Variants in PIWIL2 observed in about 807,000 individuals in gnomAD.
The protein encoded by PIWIL2 is piwi like RNA-mediated gene silencing 2.
A neutral mutation model predicts 116.5 loss-of-function variants in PIWIL2; 81 were observed. That is an observed-to-expected ratio of 0.70 (90% CI 0.58 to 0.84). PIWIL2 has a LOEUF of 0.84. Among genes scored for constraint, PIWIL2 ranks in the 40% least tolerant of loss-of-function variants. The probability of loss-of-function intolerance (pLI) is 0.00; values close to 1 mark genes in which losing one functional copy is unlikely to be tolerated. For missense variants in PIWIL2, 1,272 were observed against 1,212.3 expected, an observed-to-expected ratio of 1.05 and a Z score of -0.73; for synonymous variants, 489 against 429.5, an observed-to-expected ratio of 1.14 and a Z score of -1.71.
chr8:22,282,068 C>A (rs1403302854), intron 4 of PIWIL2, among the ~76,000 whole-genome samples: 1 of 128,252 alleles, frequency 7.8e-6, no homozygotes, highest in Non-Finnish European at 1.6e-5. Flanking sequence ...CCCCACTGTG[C>A]GTGGACTTTT....
At chr8:22,338,689 C>A (rs1291722886) in intron 20 of PIWIL2, among the ~76,000 whole-genome samples, 1 of 117,500 alleles carries the variant, frequency 8.5e-6, no homozygotes, top group Non-Finnish European at 1.8e-5. Flanking sequence ...GACTCCATCT[C>A]AAAAATAAAT....
chr8:22,344,054 T>G (rs1832170612), intron 20 of PIWIL2, among the ~76,000 whole-genome samples: 1 of 152,120 alleles, frequency 6.6e-6, no homozygotes, highest in South Asian at 2.1e-4. Flanking sequence ...TTAAAAGAAA[T>G]AAGCCATTAA....
chr8:22,353,233 G>A (rs1347971036), intron 21 of PIWIL2, 21 bp downstream of exon 21: 3 of 1,591,924 alleles, frequency 1.9e-6, no homozygotes, highest in South Asian at 2.2e-5. Flanking sequence ...AAAATATGTA[G>A]TATTGGAGGA....
Position 22,334,437 on chromosome 8 carries a change from G to A in PIWIL2, c.2403+16162G>A, listed in dbSNP as rs535834242. ...CTCGGGAGACTGAGGCAGGAGAATCGCTTGAACCTAGGAGGCGGAGGTTGC... is the reference window on the plus strand; with the variant it reads ...CTCGGGAGACTGAGGCAGGAGAATCACTTGAACCTAGGAGGCGGAGGTTGC... On this transcript the variant is annotated intron_variant, in intron 20 of 22. Coordinates refer to ENST00000356766, the MANE Select transcript of PIWIL2 (RefSeq NM_018068.5). Among the ~76,000 whole-genome samples the A allele has an allele frequency of 4.5e-4, 68 of 151,042 alleles. 2 individuals are homozygous for A. The East Asian group carries it at 0.012, about 27-fold the overall frequency.
intron 4 of PIWIL2, among the ~76,000 whole-genome samples, chr8:22,282,069 G>A (rs530114123): frequency 2.0e-4 from 26 of 131,362 alleles, no homozygotes; most frequent in Middle Eastern, 4.1e-3. Flanking sequence ...CCCACTGTGC[G>A]TGGACTTTTT....
intron 12 of PIWIL2, 59 bp from the exon 13 acceptor site, chr8:22,305,868 G>A: frequency 8.2e-7 from 1 of 1,212,990 alleles, no homozygotes; most frequent in Non-Finnish European, 1.2e-6. Flanking sequence ...TGTCCTGTAT[G>A]GTCGGGAACA....
rs139706405 is a variant in PIWIL2 at position 22,291,160 on chromosome 8, T to C, written c.1181+814T>C. 5.1e-3 allele frequency among the ~76,000 whole-genome samples: 768 copies of C among 151,528 alleles called. 5 individuals carry two copies. The highest frequency in any genetic ancestry group is 0.017 in the African/African-American group (723 of 41,330). ...ATTTTTTTTTCTTTTCTTTTCTTTT[T>C]TTTTTTCTGAGAGAGAGTCTCTCTC... On this transcript the variant is annotated intron_variant, in intron 10 of 22. Coordinates refer to ENST00000356766, the MANE Select transcript of PIWIL2 (RefSeq NM_018068.5).
chr8:22,317,854 G>C (rs1166022263), intron 19 of PIWIL2, among the ~76,000 whole-genome samples: 1 of 151,780 alleles, frequency 6.6e-6, no homozygotes, highest in South Asian at 2.1e-4. Flanking sequence ...GTAGAGACGG[G>C]GTTTCACCGT....
At chr8:22,316,451 T>G in intron 19 of PIWIL2, 118 bp downstream of exon 19, 2 of 699,078 alleles carry the variant, frequency 2.9e-6, no homozygotes, top group African/African-American at 1.8e-5. Context: ...TTCTAAACAT[T>G]TTCTTCCTCT....
intron 1 of PIWIL2, 117 bp from the exon 2 acceptor site, chr8:22,279,224 G>T (rs564171066): frequency 7.6e-5 from 47 of 617,728 alleles, no homozygotes; most frequent in African/African-American, 6.8e-4. Flanking sequence ...TGAATATGTT[G>T]TAGAAGGCTA....
At chr8:22,279,768 C>G (rs1434304881) in intron 2 of PIWIL2, among the ~76,000 whole-genome samples, 184 bp downstream of exon 2, 2 of 152,182 alleles carry the variant, frequency 1.3e-5, no homozygotes, top group Non-Finnish European at 2.9e-5. Flanking sequence ...GCCTGGCCAA[C>G]CAACATGGTG....
chr8:22,303,980 A>T lies in PIWIL2; in HGVS notation c.1182-41A>T. On this transcript the variant is annotated intron_variant, in intron 10 of 22. Transcript: ENST00000356766. ...CCCTATCCCTTTCATACTGTTCTGG[A>T]TATATACTGTGATCCAAAAGTCTTT... The T allele has an allele frequency of 2.2e-6, 3 of 1,350,898 alleles. No homozygotes were observed. In the South Asian group the frequency reaches 3.8e-5, roughly 17 times the overall value. The allele number at this position is 1,350,898 out of a possible 1,614,324, so 83.7% of individuals were successfully genotyped here. A position where few individuals can be genotyped will look rare whatever the true frequency, so the allele number is the denominator to read the frequency against.
intron 20 of PIWIL2, among the ~76,000 whole-genome samples, chr8:22,334,519 C>CAA (rs71544878): frequency 1.4e-3 from 180 of 132,232 alleles, no homozygotes; most frequent in Non-Finnish European, 1.8e-3. Flanking sequence ...GAGTCCGTCT[C>CAA]AAAAAAAAAA....
chr8:22,276,134 T>G (rs919882889), intron 1 of PIWIL2: 1 of 152,298 alleles, frequency 6.6e-6, no homozygotes, highest in African/African-American at 2.4e-5. Context: ...CAGTTAAATA[T>G]AGCCTTCAAG....
chr8:22,325,030 G>A lies in PIWIL2; in HGVS notation c.2403+6755G>A, dbSNP rs117137888. On this transcript the variant is annotated intron_variant, in intron 20 of 22. Coordinates refer to ENST00000356766, the MANE Select transcript of PIWIL2 (RefSeq NM_018068.5). ...TTGTTTAAGCCAGCTTGTTTTGTATGACAGCCGTAGCAGACTAATACAGAA... is the reference window on the plus strand; with the variant it reads ...TTGTTTAAGCCAGCTTGTTTTGTATAACAGCCGTAGCAGACTAATACAGAA... Among the ~76,000 whole-genome samples the A allele has an allele frequency of 8.9e-3, 1,353 of 152,278 alleles. 11 individuals carry two copies. The highest frequency in any genetic ancestry group is 0.015 in the Non-Finnish European group (1,024 of 68,024).
At chr8:22,286,384 A>G (rs1435274326) in intron 6 of PIWIL2, among the ~76,000 whole-genome samples, 1 of 152,240 alleles carries the variant, frequency 6.6e-6, no homozygotes, top group Non-Finnish European at 1.5e-5. Context: ...GAGGTAAGAA[A>G]GCGGAGCTGA....
At chr8:22,336,508 A>G (rs1464649178) in intron 20 of PIWIL2, among the ~76,000 whole-genome samples, 5 of 152,254 alleles carry the variant, frequency 3.3e-5, no homozygotes, top group Non-Finnish European at 7.4e-5. Flanking sequence ...ATTATAAACA[A>G]CGTATTTTAA....
chr8:22,313,296 G>C (rs954918543), intron 16 of PIWIL2, among the ~76,000 whole-genome samples: 2 of 152,200 alleles, frequency 1.3e-5, no homozygotes, highest in African/African-American at 4.8e-5. Flanking sequence ...GCCAGGAGGG[G>C]AGTGAAATGA....
intron 20 of PIWIL2, among the ~76,000 whole-genome samples, chr8:22,342,616 TA>T (rs1832136707): frequency 1.3e-5 from 2 of 152,130 alleles, no homozygotes. Context: ...TTGCAAAAAT[TA>T]AAACAAATTA....
Sources: allele counts gnomAD v4.1 joint callset (sites outside exome capture counted in the v4.1 genomes callset), GRCh38; gene constraint gnomAD v4.1.1; transcripts MANE v1.5; gene names NCBI Gene and HGNC (gene_info 2026-07-23, HGNC 2026-07-21).